The following TENM2 variants were observed in gnomAD, a reference collection of about 807,000 sequenced individuals.
TENM2 encodes teneurin transmembrane protein 2, also known as teneurin-2.
Under a neutral mutation model 245.2 loss-of-function variants are expected in TENM2, and 52 were observed. The ratio of observed to expected loss-of-function variants is 0.21; its 90% CI spans 0.17 to 0.27. The LOEUF (loss-of-function observed/expected upper bound fraction) is 0.27, where lower values mean the gene tolerates loss of function less well. Among genes scored for constraint, TENM2 ranks in the 10% least tolerant of loss-of-function variants. The pLI is 1.00. For synonymous variants in TENM2, 1,363 were observed against 1,438.9 expected (o/e 0.95, Z 1.19); for missense variants, 3,046 against 3,666.8 (o/e 0.83, Z 4.37).
chr5:167,042,046 G>A, the TENM2 span, among the ~76,000 whole-genome samples: 2 of 152,112 alleles, frequency 1.3e-5, no homozygotes, highest in East Asian at 3.9e-4. Flanking sequence ...TGTGCTGGGG[G>A]AGAATGAATT....
chr5:167,155,090 TG>T, the TENM2 span, among the ~76,000 whole-genome samples: 5 of 152,224 alleles, frequency 3.3e-5, no homozygotes, highest in Non-Finnish European at 7.3e-5. Context: ...CGTTGTGTAA[TG>T]GGGCAAGTTT....
At chr5:167,914,764 AT>A (rs1242288103) in intron 3 of TENM2, among the ~76,000 whole-genome samples, 3 of 151,912 alleles carry the variant, frequency 2.0e-5, no homozygotes, top group African/African-American at 7.3e-5. Flanking sequence ...GTTGCCAGAG[AT>A]TTTTGGTGTT....
intron 2 of TENM2, among the ~76,000 whole-genome samples, chr5:167,761,119 T>C (rs1034572357): frequency 2.6e-5 from 4 of 152,180 alleles, no homozygotes; most frequent in African/African-American, 9.7e-5. Context: ...TTTGTAAAAA[T>C]GAATCCTACT....
chr5:168,141,411 G>A (rs1755536557), intron 12 of TENM2, among the ~76,000 whole-genome samples: 1 of 152,198 alleles, frequency 6.6e-6, no homozygotes. Flanking sequence ...TGCATGTGTT[G>A]GAGAGATAAC....
chr5:168,088,843 A>G (rs539873075), intron 7 of TENM2, among the ~76,000 whole-genome samples: 1 of 152,316 alleles, frequency 6.6e-6, no homozygotes, highest in East Asian at 1.9e-4. Context: ...AAAACTAGCG[A>G]TTCTGACGAC....
chr5:167,509,261 A>G (rs77461422), intron 2 of TENM2, among the ~76,000 whole-genome samples: 5,467 of 152,332 alleles, frequency 0.036, 213 homozygotes, highest in Admixed American at 0.11. Context: ...TTGTCCTTAC[A>G]TTAAATATAT....
At chr5:167,843,568 G>A (rs911113529) in intron 2 of TENM2, among the ~76,000 whole-genome samples, 6 of 152,078 alleles carry the variant, frequency 3.9e-5, no homozygotes, top group Non-Finnish European at 2.9e-5. Flanking sequence ...AGGGTTGGTG[G>A]GGGAGGGGGT....
chr5:167,598,319 C>T (rs1322460447), intron 2 of TENM2, among the ~76,000 whole-genome samples: 1 of 152,176 alleles, frequency 6.6e-6, no homozygotes, highest in Non-Finnish European at 1.5e-5. Flanking sequence ...GTTCAATTCT[C>T]CCTCATGTGC....
At chr5:167,633,958 G>T (rs1013420957) in intron 2 of TENM2, among the ~76,000 whole-genome samples, 1 of 152,156 alleles carries the variant, frequency 6.6e-6, no homozygotes, top group Non-Finnish European at 1.5e-5. Context: ...ATGGTTGGGC[G>T]TTTCCTGAGC....
intron 2 of TENM2, among the ~76,000 whole-genome samples, chr5:167,840,139 G>A (rs543055371): frequency 1.2e-4 from 18 of 152,310 alleles, no homozygotes; most frequent in Admixed American, 1.0e-3. Context: ...CCTTATTCAA[G>A]GCCAACCCAG....
At position 168,244,315 on chromosome 5, in the gene TENM2, C is replaced by T. The variant is rs1308689584; in HGVS notation, c.5521-105C>T. The stretch of plus-strand genomic sequence containing the variant: ...CTAACTTTGGGGTTATTTCTTCCTC[C>T]AGTGAACACTTAAGCCCTGGCCATG... On this transcript the variant is annotated intron_variant, in intron 25 of 28. Coordinates refer to ENST00000518659, the Ensembl canonical transcript of TENM2. This position sits in a 1 kb window ranked among gnomAD's most constrained non-coding sequence, Gnocchi z 4.9. The T allele has an allele frequency of 3.4e-6, 3 of 885,472 alleles. No individual in the cohort carries two copies. The East Asian group carries it at 9.2e-5, about 27-fold the overall frequency. The allele number at this position is 885,472 out of a possible 1,614,324, so 54.9% of individuals were successfully genotyped here.
intron 2 of TENM2, among the ~76,000 whole-genome samples, chr5:167,650,712 A>AT (rs1294239668): frequency 6.6e-6 from 1 of 152,138 alleles, no homozygotes; most frequent in Non-Finnish European, 1.5e-5. Context: ...AAAGGCGAGT[A>AT]TTTTTACTGT....
the TENM2 span, among the ~76,000 whole-genome samples, chr5:167,132,372 T>G: frequency 6.6e-6 from 1 of 152,086 alleles, no homozygotes; most frequent in Non-Finnish European, 1.5e-5. Flanking sequence ...AATATCATGA[T>G]CTAGAGAAAC....
At chr5:168,233,194 C>T (rs181396721) in intron 25 of TENM2, among the ~76,000 whole-genome samples, 10 of 152,202 alleles carry the variant, frequency 6.6e-5, no homozygotes, top group African/African-American at 1.9e-4. Flanking sequence ...GGTGTGGTGG[C>T]GCATGCCTGT....
the TENM2 span, among the ~76,000 whole-genome samples, chr5:167,255,788 C>A: frequency 6.6e-6 from 1 of 152,052 alleles, no homozygotes; most frequent in African/African-American, 2.4e-5. Context: ...GGAACAGTAG[C>A]TTTTGCAGTA....
the TENM2 span, among the ~76,000 whole-genome samples, chr5:167,109,770 G>A: frequency 6.6e-5 from 10 of 152,032 alleles, no homozygotes; most frequent in Admixed American, 3.3e-4. Context: ...TCAATGTTTC[G>A]TTATGGTACC....
intron 2 of TENM2, among the ~76,000 whole-genome samples, chr5:167,477,473 T>C (rs960140103): frequency 6.6e-6 from 1 of 152,160 alleles, no homozygotes; most frequent in Non-Finnish European, 1.5e-5. Flanking sequence ...TGAGGAACCA[T>C]TAACAGAGGA....
chr5:167,108,025 C>G, the TENM2 span, among the ~76,000 whole-genome samples: 5 of 152,194 alleles, frequency 3.3e-5, no homozygotes, highest in African/African-American at 7.2e-5. Flanking sequence ...CCTTTCCTCT[C>G]TCTTCACTTC....
chr5:167,506,656 C>T (rs1769570684), intron 2 of TENM2, among the ~76,000 whole-genome samples: 1 of 152,106 alleles, frequency 6.6e-6, no homozygotes, highest in South Asian at 2.1e-4. Flanking sequence ...TATTCCATTT[C>T]CTGATGCCCA....
Sources: allele counts gnomAD v4.1 joint callset (sites outside exome capture counted in the v4.1 genomes callset), GRCh38; gene constraint gnomAD v4.1.1; non-coding constraint Gnocchi (gnomAD v3.1); transcripts MANE v1.5; gene names NCBI Gene and HGNC (gene_info 2026-07-23, HGNC 2026-07-21).